AUTS2: variants seen among roughly 807,000 people sequenced by gnomAD.
AUTS2 encodes activator of transcription and developmental regulator AUTS2, also known as autism susceptibility gene 2 protein.
AUTS2 carries 17 observed loss-of-function variants against 112.4 expected under a neutral mutation model. The observed-to-expected ratio is 0.15, with a 90% confidence interval of 0.10 to 0.23. The LOEUF (loss-of-function observed/expected upper bound fraction) is 0.23. AUTS2 is among the 10% of genes least tolerant of loss of function. The pLI, the probability that AUTS2 is intolerant of heterozygous loss-of-function variation, is 1.00. For missense variants in AUTS2, 1,510 were observed against 1,701.6 expected (o/e 0.89, Z 1.98); for synonymous variants, 751 against 702.7 (o/e 1.07, Z -1.09).
chr7:70,296,812 C>A (rs1788957961), intron 4 of AUTS2, among the ~76,000 whole-genome samples: 2 of 150,078 alleles, frequency 1.3e-5, no homozygotes, highest in Non-Finnish European at 3.0e-5. Context: ...CATATCAAAG[C>A]TATTGATATG....
At chr7:70,037,927 C>T (rs773270864) in intron 2 of AUTS2, among the ~76,000 whole-genome samples, 31 of 151,842 alleles carry the variant, frequency 2.0e-4, no homozygotes, top group African/African-American at 7.3e-4. Flanking sequence ...CTTCTGCTTT[C>T]GAGAACTTAA....
chr7:70,063,773 C>T (rs11770695), intron 2 of AUTS2, among the ~76,000 whole-genome samples: 12,293 of 152,166 alleles, frequency 0.081, 637 homozygotes, highest in African/African-American at 0.13. Context: ...TCCTGCTCAG[C>T]CACACTTCAC....
Position 69,831,783 on chromosome 7 carries a change from A to G in AUTS2, c.310-67503A>G, listed in dbSNP as rs116048426. 5.2e-3 allele frequency among the ~76,000 whole-genome samples: 797 copies of G among 152,288 alleles called. 8 individuals are homozygous for G. The highest frequency in any genetic ancestry group is 0.018 in the African/African-American group (765 of 41,572). On this transcript the variant is annotated intron_variant, in intron 1 of 18. Transcript: ENST00000342771. ...AAAAATAAACCTCAGAGGGCTTCCA[A>G]TTGCACCCTAATTCTTCTCCCTTAG... is the stretch of plus-strand genomic sequence containing the variant.
At chr7:70,289,511 G>T (rs1440205985) in intron 4 of AUTS2, among the ~76,000 whole-genome samples, 3 of 152,178 alleles carry the variant, frequency 2.0e-5, no homozygotes, top group Non-Finnish European at 4.4e-5. Flanking sequence ...ACATCCCTCA[G>T]GCCCTCTTAC....
At chr7:70,701,049 A>C (rs1012170139) in intron 6 of AUTS2, among the ~76,000 whole-genome samples, 2 of 152,230 alleles carry the variant, frequency 1.3e-5, no homozygotes, top group Admixed American at 1.3e-4. Flanking sequence ...GGGAGCTGAC[A>C]CGTGTATCCC....
At chr7:69,899,861 A>G (rs1276069501) in intron 2 of AUTS2, among the ~76,000 whole-genome samples, 1 of 152,198 alleles carries the variant, frequency 6.6e-6, no homozygotes, top group Non-Finnish European at 1.5e-5. Context: ...TTCATCACAT[A>G]CATTGTGCAT....
chr7:70,155,969 GGTTTTGTTTT>G (rs536672458), intron 4 of AUTS2, among the ~76,000 whole-genome samples: 114 of 152,206 alleles, frequency 7.5e-4, no homozygotes, highest in African/African-American at 2.6e-3. Flanking sequence ...GGATCCTGTT[GGTTTTGTTTT>G]GTTTTGTTTT....
chr7:70,536,393 C>T (rs1003844560), intron 5 of AUTS2, among the ~76,000 whole-genome samples: 2 of 152,032 alleles, frequency 1.3e-5, no homozygotes, highest in Non-Finnish European at 2.9e-5. Flanking sequence ...TTTAGACCTT[C>T]TTAACATATG....
intron 4 of AUTS2, among the ~76,000 whole-genome samples, chr7:70,375,810 AC>A (rs1365364121): frequency 6.6e-6 from 1 of 152,076 alleles, no homozygotes; most frequent in Non-Finnish European, 1.5e-5. Context: ...ACATACAATA[AC>A]TTGTGCCTAC....
At chr7:70,173,356 G>A (rs1442685825) in intron 4 of AUTS2, among the ~76,000 whole-genome samples, 10 of 147,934 alleles carry the variant, frequency 6.8e-5, no homozygotes, top group East Asian at 2.0e-4. Flanking sequence ...GCGGGACCCC[G>A]TCTCAAAAAA....
chr7:70,316,230 C>T (rs1265514853), intron 4 of AUTS2, among the ~76,000 whole-genome samples: 4 of 152,136 alleles, frequency 2.6e-5, no homozygotes, highest in African/African-American at 9.7e-5. Flanking sequence ...ACTTGATCTT[C>T]ATTTCTCACC....
At chr7:70,152,343 C>T (rs923491057) in intron 4 of AUTS2, among the ~76,000 whole-genome samples, 1 of 151,128 alleles carries the variant, frequency 6.6e-6, no homozygotes, top group Non-Finnish European at 1.5e-5. Context: ...TCAGATTTCT[C>T]AAAACCAATA....
intron 4 of AUTS2, among the ~76,000 whole-genome samples, chr7:70,256,651 C>T (rs944391694): frequency 6.6e-6 from 1 of 152,186 alleles, no homozygotes; most frequent in Admixed American, 6.5e-5. Flanking sequence ...CAGCTTTGTA[C>T]TTACTGTGAT....
chr7:69,963,511 G>A (rs1313790124), intron 2 of AUTS2, among the ~76,000 whole-genome samples: 2 of 152,108 alleles, frequency 1.3e-5, no homozygotes, highest in African/African-American at 4.8e-5. Flanking sequence ...TTTCTGAGTG[G>A]AAGTCTAAGA....
chr7:70,781,912 G>C, intron 15 of AUTS2, 156 bp downstream of exon 15: 4 of 892,228 alleles, frequency 4.5e-6, no homozygotes, highest in Non-Finnish European at 6.7e-6. Context: ...CATCCAGGGA[G>C]TTGGGAATCT....
intron 1 of AUTS2, among the ~76,000 whole-genome samples, chr7:69,835,465 T>C (rs114551111): frequency 5.8e-4 from 88 of 152,270 alleles, no homozygotes; most frequent in African/African-American, 2.1e-3. Flanking sequence ...TCACTGTTAG[T>C]GGGAGCTTAG....
chr7:70,522,273 A>G (rs1468241729), intron 5 of AUTS2, among the ~76,000 whole-genome samples: 1 of 152,244 alleles, frequency 6.6e-6, no homozygotes, highest in Non-Finnish European at 1.5e-5. Flanking sequence ...AACTAAGAAA[A>G]AAACACAGAT....
intron 1 of AUTS2, among the ~76,000 whole-genome samples, chr7:69,629,612 C>T (rs1454279781): frequency 1.3e-5 from 2 of 152,074 alleles, no homozygotes; most frequent in Admixed American, 6.5e-5. Context: ...TATCAGGTTG[C>T]CAGTTGATCC....
intron 5 of AUTS2, among the ~76,000 whole-genome samples, chr7:70,485,693 C>A (rs1308224358): frequency 6.6e-6 from 1 of 152,122 alleles, no homozygotes; most frequent in African/African-American, 2.4e-5. Flanking sequence ...ATGTGTGTTT[C>A]CTCAAAACCA....
Sources: gnomAD v4.1 joint callset for allele counts (sites outside exome capture counted in the v4.1 genomes callset) on GRCh38, gnomAD v4.1.1 for gene constraint, MANE v1.5 for transcripts, NCBI Gene and HGNC (gene_info 2026-07-23, HGNC 2026-07-21) for gene names.